The following AGR3 variants were observed in gnomAD, a reference collection of about 807,000 sequenced individuals.
The protein encoded by AGR3 is anterior gradient protein 3.
A neutral mutation model predicts 24.5 loss-of-function variants in AGR3; 37 were observed. That is an observed-to-expected ratio of 1.51 (90% confidence interval 1.16 to 1.99). The LOEUF is 1.99. Ranked by LOEUF, AGR3 falls within the 30% of genes most tolerant of loss-of-function variation. AGR3 has a pLI of 0.00. For synonymous variants in AGR3, 75 were observed against 61.6 expected, an observed-to-expected ratio of 1.22 and a Z score of -1.02; for missense variants, 228 against 191.1, an observed-to-expected ratio of 1.19 and a Z score of -1.14.
intron 3 of AGR3, among the ~76,000 whole-genome samples, chr7:16,863,146 T>C (rs1781682695): frequency 6.6e-6 from 1 of 152,230 alleles, no homozygotes; most frequent in Non-Finnish European, 1.5e-5. Flanking sequence ...TAGGGGTGGT[T>C]TCAGGAATCT....
intron 3 of AGR3, among the ~76,000 whole-genome samples, chr7:16,872,278 A>C (rs971800690): frequency 8.5e-5 from 13 of 152,216 alleles, no homozygotes; most frequent in Admixed American, 4.6e-4. Context: ...AATGGAATAG[A>C]ATAGAGAACC....
intron 2 of AGR3, among the ~76,000 whole-genome samples, chr7:16,876,464 T>C (rs1781988312): frequency 2.0e-5 from 3 of 152,142 alleles, no homozygotes; most frequent in Admixed American, 2.0e-4. Flanking sequence ...TCTACCTTTT[T>C]CTAATTAATC....
At chr7:16,875,221 A>G (rs893490148) in intron 2 of AGR3, among the ~76,000 whole-genome samples, 5 of 152,140 alleles carry the variant, frequency 3.3e-5, no homozygotes, top group African/African-American at 9.7e-5. Flanking sequence ...CATCTCCTCA[A>G]AAAGAAACCC....
At chr7:16,857,742 A>G (rs1343265438), downstream of AGR3, among the ~76,000 whole-genome samples, 2 of 152,186 alleles carry the variant, frequency 1.3e-5, no homozygotes, top group Admixed American at 1.3e-4. Context: ...CATGTAACCT[A>G]TTTATATCCA....
chr7:16,864,682 G>A, intron 3 of AGR3: 1 of 1,583,104 alleles, frequency 6.3e-7, no homozygotes, highest in Non-Finnish European at 8.7e-7. Flanking sequence ...AAGTGCTTTT[G>A]CTGCCAGGCA....
chr7:16,855,359 TG>T (rs1562542175), downstream of AGR3, among the ~76,000 whole-genome samples: 2 of 152,064 alleles, frequency 1.3e-5, no homozygotes. Flanking sequence ...AAAGTAACTA[TG>T]ATATACTTCT....
chr7:16,873,618 A>G (rs567642107), intron 3 of AGR3, 162 bp downstream of exon 3: 1 of 605,080 alleles, frequency 1.7e-6, no homozygotes, highest in Admixed American at 3.0e-5. Context: ...CCCACCAGAA[A>G]GAAATGATAT....
At chr7:16,868,621 T>C (rs1193588925) in intron 3 of AGR3, among the ~76,000 whole-genome samples, 1 of 152,218 alleles carries the variant, frequency 6.6e-6, no homozygotes, top group African/African-American at 2.4e-5. Flanking sequence ...ACTCTGTTAT[T>C]GTCTCCTTTG....
intron 3 of AGR3, chr7:16,864,250 T>C (rs1044767767): frequency 2.3e-6 from 3 of 1,294,588 alleles, no homozygotes; most frequent in Non-Finnish European, 3.3e-6. Context: ...GCAATCTGAT[T>C]AGCAGGCTGG....
chr7:16,867,987 G>A (rs1410599546), intron 3 of AGR3, among the ~76,000 whole-genome samples: 1 of 152,124 alleles, frequency 6.6e-6, no homozygotes, highest in Non-Finnish European at 1.5e-5. Flanking sequence ...CACCAACAGT[G>A]TAAAAGGGTT....
downstream of AGR3, among the ~76,000 whole-genome samples, chr7:16,856,562 G>A (rs946975715): frequency 6.6e-6 from 1 of 152,116 alleles, no homozygotes; most frequent in Non-Finnish European, 1.5e-5. Flanking sequence ...ACTTTATGTG[G>A]CAACGCTGGA....
intron 1 of AGR3, 66 bp from the exon 2 acceptor site, chr7:16,878,711 G>T (rs1350371442): frequency 4.0e-6 from 5 of 1,253,632 alleles, no homozygotes; most frequent in Non-Finnish European, 4.6e-6. Flanking sequence ...GAAGATATTT[G>T]CTAAGAGTTG....
downstream of AGR3, among the ~76,000 whole-genome samples, chr7:16,857,126 G>T (rs1178891340): frequency 6.6e-6 from 1 of 151,988 alleles, no homozygotes; most frequent in African/African-American, 2.4e-5. Flanking sequence ...AGTAGCACAT[G>T]CCACTGCACC....
chr7:16,880,891 A>G (rs908252989), intron 1 of AGR3, among the ~76,000 whole-genome samples: 1 of 152,118 alleles, frequency 6.6e-6, no homozygotes, highest in African/African-American at 2.4e-5. Context: ...ACCACCTAGG[A>G]CAGGATCTTA....
At chr7:16,871,713 G>A (rs1781868049) in intron 3 of AGR3, among the ~76,000 whole-genome samples, 1 of 152,074 alleles carries the variant, frequency 6.6e-6, no homozygotes, top group Non-Finnish European at 1.5e-5. Context: ...ATGGTGGCAT[G>A]TGCCTATAAT....
At chr7:16,860,098 A>AG (rs1193081427) in intron 7 of AGR3, among the ~76,000 whole-genome samples, 2 of 76,118 alleles carry the variant, frequency 2.6e-5, no homozygotes, top group African/African-American at 5.6e-5. Context: ...TCTACAAAAA[A>AG]GAAAAAAAAA....
chr7:16,859,513 G>A lies in AGR3; in HGVS notation c.*69C>T. 2 of 1,031,388 alleles carry A rather than the reference G, an allele frequency of 1.9e-6. No individual in the cohort carries two copies. Among genetic ancestry groups the A allele is most frequent in the East Asian group, 5.1e-5 (2 of 39,072 alleles). 63.9% of individuals were successfully genotyped at this position (1,031,388 alleles called of 1,614,324 possible). Reference sequence around the variant, plus strand: ...CTATATACTTGCACATTTAGTATTTGTCAATGTGCCAGAGGTTTTCTTCAT... The same window carrying A: ...CTATATACTTGCACATTTAGTATTTATCAATGTGCCAGAGGTTTTCTTCAT... On this transcript the variant is annotated 3_prime_UTR_variant, in exon 8 of 8. Coordinates refer to ENST00000310398, the MANE Select transcript of AGR3 (RefSeq NM_176813.5).
chr7:16,869,917 C>T (rs1337132374), intron 3 of AGR3, among the ~76,000 whole-genome samples: 1 of 151,758 alleles, frequency 6.6e-6, no homozygotes, highest in Non-Finnish European at 1.5e-5. Context: ...ACTATCCTAA[C>T]TACTCATGTC....
At position 16,860,554 on chromosome 7, in the gene AGR3, CTA is replaced by C; in HGVS notation, c.395_396del (p.Ile132SerfsTer6). ...VDPSLTVRAD[I>X]AGRYSNRLYT... Reference sequence around the variant, plus strand: ...TACAATCTGTTAGAGTATCTTCCAGCTATGTCAGCTCTAACTGTTAAAGAAGG... The same window carrying C: ...TACAATCTGTTAGAGTATCTTCCAGCTGTCAGCTCTAACTGTTAAAGAAGG... On this transcript the variant is annotated frameshift_variant, in exon 7 of 8. Coordinates refer to ENST00000310398, the MANE Select transcript of AGR3 (RefSeq NM_176813.5). LOFTEE classifies it high-confidence loss of function. 1.9e-6 allele frequency: 3 copies of C among 1,613,742 alleles called. No individual in the cohort carries two copies. The highest frequency in any genetic ancestry group is 2.5e-6 in the Non-Finnish European group (3 of 1,179,758).
Sources: allele counts gnomAD v4.1 joint callset (sites outside exome capture counted in the v4.1 genomes callset), GRCh38; gene constraint gnomAD v4.1.1; transcripts MANE v1.5; gene names NCBI Gene and HGNC (gene_info 2026-07-23, HGNC 2026-07-21).